The following GALNT13 variants were observed in gnomAD, a reference collection of about 807,000 sequenced individuals.
GALNT13 encodes UDP-GalNAc:polypeptide N-acetylgalactosaminyltransferase 13.
GALNT13 carries 28 observed loss-of-function variants against 64.2 expected under a neutral mutation model. That is an observed-to-expected ratio of 0.44 (90% CI 0.32 to 0.60). The LOEUF is 0.60. GALNT13 is among the 20% of genes least tolerant of loss of function. The pLI is 0.05. For missense variants in GALNT13, 577 were observed against 669.8 expected, an observed-to-expected ratio of 0.86 and a Z score of 1.53; for synonymous variants, 214 against 224.6, an observed-to-expected ratio of 0.95 and a Z score of 0.42.
chr2:154,441,303 G>A (rs1384920696), intron 12 of GALNT13, among the ~76,000 whole-genome samples: 1 of 152,060 alleles, frequency 6.6e-6, no homozygotes, highest in East Asian at 1.9e-4. Flanking sequence ...TGAGAAAGAG[G>A]AATAATTGCT....
chr2:153,315,085 C>T, the GALNT13 span, among the ~76,000 whole-genome samples: 1 of 152,012 alleles, frequency 6.6e-6, no homozygotes, highest in Non-Finnish European at 1.5e-5. Context: ...ATATTAATAT[C>T]AGGCAAATAG....
intron 3 of GALNT13, among the ~76,000 whole-genome samples, chr2:154,071,469 C>A (rs1009994023): frequency 4.6e-5 from 7 of 152,194 alleles, no homozygotes; most frequent in African/African-American, 1.7e-4. Context: ...AACATACATG[C>A]AATTTCATCT....
chr2:153,074,061 G>C, the GALNT13 span, among the ~76,000 whole-genome samples: 5 of 152,140 alleles, frequency 3.3e-5, no homozygotes, highest in Admixed American at 3.3e-4. Flanking sequence ...AATGTTTGTG[G>C]TATTAGGTAC....
the GALNT13 span, among the ~76,000 whole-genome samples, chr2:153,342,555 A>C: frequency 1.3e-5 from 2 of 152,214 alleles, no homozygotes; most frequent in Non-Finnish European, 2.9e-5. Flanking sequence ...GAGCTATTTG[A>C]CTTTATCAAA....
the GALNT13 span, among the ~76,000 whole-genome samples, chr2:153,419,234 T>G: frequency 6.6e-6 from 1 of 152,156 alleles, no homozygotes; most frequent in African/African-American, 2.4e-5. Context: ...AAAAGGGGCT[T>G]ATAAAACCAT....
chr2:153,912,830 A>G (rs909128800), intron 2 of GALNT13, among the ~76,000 whole-genome samples: 18 of 152,272 alleles, frequency 1.2e-4, no homozygotes, highest in African/African-American at 3.6e-4. Context: ...ACTTGTATGC[A>G]TGGTGCCAGC....
the GALNT13 span, among the ~76,000 whole-genome samples, chr2:153,817,947 G>T: frequency 1.4e-4 from 22 of 152,110 alleles, no homozygotes; most frequent in African/African-American, 4.8e-4. Flanking sequence ...TGCACTGCTC[G>T]CATGGAAAGG....
chr2:153,216,570 T>G, the GALNT13 span, among the ~76,000 whole-genome samples: 1 of 152,098 alleles, frequency 6.6e-6, no homozygotes, highest in African/African-American at 2.4e-5. Context: ...CTAATGATGT[T>G]GGACATATTT....
chr2:153,130,841 TATG>T, the GALNT13 span, among the ~76,000 whole-genome samples: 1 of 152,152 alleles, frequency 6.6e-6, no homozygotes, highest in South Asian at 2.1e-4. Context: ...AGATCTGTGA[TATG>T]ATAATTTAGC....
the GALNT13 span, among the ~76,000 whole-genome samples, chr2:153,723,142 G>C: frequency 4.3e-5 from 6 of 137,944 alleles, no homozygotes; most frequent in South Asian, 7.7e-4. Context: ...TGCAAGGCTG[G>C]TTCAATATAC....
the GALNT13 span, among the ~76,000 whole-genome samples, chr2:153,475,946 G>T: frequency 6.6e-6 from 1 of 152,128 alleles, no homozygotes; most frequent in Non-Finnish European, 1.5e-5. Context: ...ATAGAACATT[G>T]CCATTTCTTG....
intron 8 of GALNT13, among the ~76,000 whole-genome samples, chr2:154,294,760 T>C (rs146544481): frequency 1.1e-3 from 175 of 152,318 alleles, no homozygotes; most frequent in Middle Eastern, 0.01. Flanking sequence ...TTAAGTGTGA[T>C]CTAATGGAAT....
intron 10 of GALNT13, among the ~76,000 whole-genome samples, chr2:154,400,842 A>T (rs897348742): frequency 3.3e-5 from 5 of 152,090 alleles, no homozygotes; most frequent in Non-Finnish European, 5.9e-5. Flanking sequence ...CTCGGTTCTG[A>T]TCTTGTAAAT....
chr2:154,009,715 C>G (rs1009841869), intron 3 of GALNT13, among the ~76,000 whole-genome samples: 1 of 152,200 alleles, frequency 6.6e-6, no homozygotes, highest in African/African-American at 2.4e-5. Flanking sequence ...GTCTCGAACT[C>G]CTGACCTCAG....
intron 9 of GALNT13, among the ~76,000 whole-genome samples, chr2:154,303,099 G>A (rs1401758365): frequency 6.6e-6 from 1 of 152,014 alleles, no homozygotes. Flanking sequence ...AAATACTAGG[G>A]GTTTGTCCTC....
At chr2:153,548,136 C>A in the GALNT13 span, among the ~76,000 whole-genome samples, 2 of 152,106 alleles carry the variant, frequency 1.3e-5, no homozygotes, top group Non-Finnish European at 2.9e-5. Flanking sequence ...TATGGCATTG[C>A]CTTTCAAATT....
chr2:153,953,326 A>C (rs940282641), intron 3 of GALNT13, among the ~76,000 whole-genome samples: 7 of 152,228 alleles, frequency 4.6e-5, no homozygotes, highest in Non-Finnish European at 1.0e-4. Flanking sequence ...AGTCAATAGT[A>C]ATAACACAAT....
At chr2:153,335,554 T>C in the GALNT13 span, among the ~76,000 whole-genome samples, 1 of 152,316 alleles carries the variant, frequency 6.6e-6, no homozygotes, top group Non-Finnish European at 1.5e-5. Flanking sequence ...TTGAGAGAGA[T>C]GATTTAGGAT....
chr2:153,666,525 T>A, the GALNT13 span, among the ~76,000 whole-genome samples: 1 of 152,140 alleles, frequency 6.6e-6, no homozygotes, highest in Non-Finnish European at 1.5e-5. Context: ...GTGCTTAACC[T>A]TAAAGGGTCA....
Sources: allele counts gnomAD v4.1 joint callset (sites outside exome capture counted in the v4.1 genomes callset), GRCh38; gene constraint gnomAD v4.1.1; transcripts MANE v1.5; gene names NCBI Gene and HGNC (gene_info 2026-07-23, HGNC 2026-07-21).